Variants in RNF180 observed in about 807,000 individuals in gnomAD.
The protein encoded by RNF180 is E3 ubiquitin-protein ligase RNF180.
A neutral mutation model predicts 59.2 loss-of-function variants in RNF180; 38 were observed. That is an observed-to-expected ratio of 0.64 (90% CI 0.50 to 0.84). The LOEUF is 0.84. Ranked by LOEUF, RNF180 falls within the 40% of genes least tolerant of loss-of-function variation. The pLI, the probability that RNF180 is intolerant of heterozygous loss-of-function variation, is 0.00. For missense variants in RNF180, 705 were observed against 700.9 expected, an observed-to-expected ratio of 1.01 and a Z score of -0.07; for synonymous variants, 262 against 240.3, an observed-to-expected ratio of 1.09 and a Z score of -0.84.
intron 1 of RNF180, among the ~76,000 whole-genome samples, chr5:64,175,223 T>G (rs550500897): frequency 5.9e-5 from 9 of 152,306 alleles, no homozygotes; most frequent in Middle Eastern, 3.4e-3. Context: ...CGCCTCGGAC[T>G]CCCAAAGAGC....
intron 7 of RNF180, among the ~76,000 whole-genome samples, chr5:64,330,969 ATGCCTACTCC>A: frequency 6.6e-6 from 1 of 152,270 alleles, no homozygotes; most frequent in Non-Finnish European, 1.5e-5. Context: ...AGGCTCAGAA[ATGCCTACTCC>A]TGCTGCCTGG....
chr5:64,177,142 C>T (rs766334375), intron 1 of RNF180, among the ~76,000 whole-genome samples: 31 of 152,114 alleles, frequency 2.0e-4, no homozygotes, highest in Non-Finnish European at 4.0e-4. Flanking sequence ...TATAGCTACA[C>T]GTGTCTGACT....
chr5:64,215,495 T>G (rs1358186967), intron 4 of RNF180, among the ~76,000 whole-genome samples: 1 of 152,196 alleles, frequency 6.6e-6, no homozygotes, highest in Non-Finnish European at 1.5e-5. Context: ...CATAGTATAA[T>G]TATTTCTATA....
chr5:64,296,924 C>T (rs1742910642), intron 5 of RNF180, among the ~76,000 whole-genome samples: 1 of 152,082 alleles, frequency 6.6e-6, no homozygotes, highest in South Asian at 2.1e-4. Context: ...ACACTTCATT[C>T]ATCTGGTTTT....
chr5:64,343,978 A>G (rs906837290), intron 7 of RNF180, among the ~76,000 whole-genome samples: 18 of 151,826 alleles, frequency 1.2e-4, no homozygotes, highest in Middle Eastern at 3.4e-3. Flanking sequence ...GAAGACAGAC[A>G]TCAGTACCTA....
intron 2 of RNF180, among the ~76,000 whole-genome samples, chr5:64,203,650 T>A (rs1751864159): frequency 6.6e-6 from 1 of 152,058 alleles, no homozygotes; most frequent in Non-Finnish European, 1.5e-5. Context: ...AAAAATTATG[T>A]ACTAAATATA....
chr5:64,351,246 C>T (rs539550128), intron 7 of RNF180, among the ~76,000 whole-genome samples: 38 of 152,142 alleles, frequency 2.5e-4, no homozygotes, highest in East Asian at 7.7e-4. Context: ...GATTTTTGTA[C>T]GTTGATTATG....
At chr5:64,333,911 C>T (rs994038775) in intron 7 of RNF180, among the ~76,000 whole-genome samples, 2 of 152,008 alleles carry the variant, frequency 1.3e-5, no homozygotes, top group Non-Finnish European at 2.9e-5. Flanking sequence ...CTGGAGTAGC[C>T]GATTAAAGTA....
chr5:64,370,049 G>C lies in RNF180; in HGVS notation c.*235G>C, dbSNP rs1580323804. 29 of 279,214 alleles carry C rather than the reference G, an allele frequency of 1.0e-4. No individual in the cohort carries two copies. The East Asian group carries it at 1.8e-3, about 17-fold the overall frequency. The allele number at this position is 279,214 out of a possible 1,614,324, so 17.3% of individuals were successfully genotyped here. On this transcript the variant is annotated 3_prime_UTR_variant, in exon 8 of 8. Transcript: ENST00000389100. ...GCAACAATGCACTATTAATTTCATA[G>C]TTGTTCTTGGGTTAGGATTTGGGGC...
chr5:64,323,009 A>G (rs1312700590), intron 5 of RNF180, among the ~76,000 whole-genome samples: 1 of 152,212 alleles, frequency 6.6e-6, no homozygotes, highest in East Asian at 1.9e-4. Context: ...CAAAGAGGAC[A>G]ATAAGGAATA....
intron 7 of RNF180, among the ~76,000 whole-genome samples, chr5:64,353,949 C>T (rs886872568): frequency 6.6e-6 from 1 of 151,188 alleles, no homozygotes; most frequent in African/African-American, 2.4e-5. Flanking sequence ...ATATGGCATA[C>T]CGAAAATTTA....
Position 64,260,106 on chromosome 5 carries a change from C to T in RNF180, c.1227+42710C>T, listed in dbSNP as rs542151179. 1.8e-3 allele frequency among the ~76,000 whole-genome samples: 269 copies of T among 152,208 alleles called. 1 individual carries two copies. Among genetic ancestry groups the T allele is most frequent in the Non-Finnish European group, 3.0e-3 (201 of 68,026 alleles). Reference sequence around the variant, plus strand: ...AAATAAATGTACAGATATAATAGTACGTATCTATAGGCACATATGTAATTT... The same window carrying T: ...AAATAAATGTACAGATATAATAGTATGTATCTATAGGCACATATGTAATTT... On this transcript the variant is annotated intron_variant, in intron 5 of 7. Coordinates refer to ENST00000389100, the MANE Select transcript of RNF180 (RefSeq NM_001113561.2).
At chr5:64,315,958 T>C (rs1420725047) in intron 5 of RNF180, among the ~76,000 whole-genome samples, 1 of 152,152 alleles carries the variant, frequency 6.6e-6, no homozygotes, top group Non-Finnish European at 1.5e-5. Flanking sequence ...CTCAGTAAAG[T>C]CTGGCCCGCT....
At chr5:64,348,540 A>C (rs1745645728) in intron 7 of RNF180, among the ~76,000 whole-genome samples, 1 of 152,096 alleles carries the variant, frequency 6.6e-6, no homozygotes, top group Non-Finnish European at 1.5e-5. Flanking sequence ...TCAAATGAGC[A>C]CTGATTTTGT....
intron 7 of RNF180, among the ~76,000 whole-genome samples, chr5:64,349,865 C>A (rs974392000): frequency 3.3e-5 from 5 of 151,866 alleles, no homozygotes; most frequent in African/African-American, 1.2e-4. Context: ...GGTTCCAAGT[C>A]TTTGCTATTG....
rs981425625 is a variant in RNF180, at chr5:64,372,444, T to C, written c.*2630T>C. The C allele has an allele frequency of 1.3e-5, 2 of 151,930 alleles. No homozygotes were observed. Among genetic ancestry groups the C allele is most frequent in the African/African-American group, 4.8e-5 (2 of 41,428 alleles). 9.4% of individuals were successfully genotyped at this position (151,930 alleles called of 1,614,324 possible). Reference sequence around the variant, plus strand: ...AATTATTAATGCCACTATAGTATTATATGCTAAATATGAAAGCAGTGCTGC... The same window carrying C: ...AATTATTAATGCCACTATAGTATTACATGCTAAATATGAAAGCAGTGCTGC... On this transcript the variant is annotated 3_prime_UTR_variant, in exon 8 of 8. Transcript: ENST00000389100.
chr5:64,213,613 G>T lies in RNF180; in HGVS notation c.287G>T (p.Gly96Val). 2 of 1,614,082 alleles carry T rather than the reference G, an allele frequency of 1.2e-6. No individual in the cohort carries two copies. The highest frequency in any genetic ancestry group is 1.7e-6 in the Non-Finnish European group (2 of 1,179,960). ...NCPFCGARLG[G>V]FNFVSTPKCS... ...CCTTTCTGTGGGGCCCGTTTAGGGGGCTTTAATTTTGTCAGCACTCCAAAA... is the reference window on the plus strand; with the variant it reads ...CCTTTCTGTGGGGCCCGTTTAGGGGTCTTTAATTTTGTCAGCACTCCAAAA... Residue 96 changes from glycine to valine, a missense_variant, in exon 4 of 8, where the codon GGC becomes GTC. Physicochemically the swap from Gly to Val is moderately radical, Grantham distance 109. Coordinates refer to ENST00000389100, the MANE Select transcript of RNF180 (RefSeq NM_001113561.2).
rs1222592814 is a variant in RNF180, at chr5:64,364,334, T to C, written c.1580-5281T>C. On this transcript the variant is annotated intron_variant, in intron 7 of 7. Transcript: ENST00000389100. ...GCCTTTTCTGCATCTATTGAGATGA[T>C]GGTTATTGTCTTTAGTTCTGTTTAT... Among the ~76,000 whole-genome samples the C allele has an allele frequency of 2.6e-5, 4 of 151,730 alleles. No individual in the cohort carries two copies. In the Admixed American group the frequency reaches 2.6e-4, roughly 10 times the overall value.
chr5:64,246,538 A>T (rs1277875351), intron 5 of RNF180, among the ~76,000 whole-genome samples: 1 of 152,200 alleles, frequency 6.6e-6, no homozygotes, highest in Non-Finnish European at 1.5e-5. Context: ...CTGGACACAT[A>T]CACCCTCCTC....
Sources: allele counts gnomAD v4.1 joint callset (sites outside exome capture counted in the v4.1 genomes callset), GRCh38; gene constraint gnomAD v4.1.1; transcripts MANE v1.5; gene names NCBI Gene and HGNC (gene_info 2026-07-23, HGNC 2026-07-21).